The following CALN1 variants were observed in gnomAD, a reference collection of about 807,000 sequenced individuals.
CALN1 encodes calcium-binding protein 8.
Under a neutral mutation model 30.6 loss-of-function variants are expected in CALN1, and 17 were observed. The ratio of observed to expected loss-of-function variants is 0.56; its 90% CI spans 0.38 to 0.83. CALN1 has a LOEUF of 0.83. Among genes scored for constraint, CALN1 ranks in the 40% least tolerant of loss-of-function variants. CALN1 has a pLI of 0.00. For missense variants in CALN1, 291 were observed against 354.9 expected, an observed-to-expected ratio of 0.82 and a Z score of 1.45; for synonymous variants, 156 against 131.4, an observed-to-expected ratio of 1.19 and a Z score of -1.28.
chr7:72,323,282 C>A (rs11982081), intron 2 of CALN1, among the ~76,000 whole-genome samples: 54,146 of 151,746 alleles, frequency 0.36, 10,552 homozygotes, highest in Middle Eastern at 0.52. Flanking sequence ...CGCTACCAGG[C>A]ATCTCATGAA....
chr7:72,307,465 G>C (rs535960735), intron 2 of CALN1, among the ~76,000 whole-genome samples: 2 of 152,130 alleles, frequency 1.3e-5, no homozygotes, highest in Non-Finnish European at 2.9e-5. Context: ...TCATTCACTC[G>C]GTCGCTCGTG....
At chr7:72,482,892 T>A in the CALN1 span, among the ~76,000 whole-genome samples, 1 of 152,176 alleles carries the variant, frequency 6.6e-6, no homozygotes, top group African/African-American at 2.4e-5. Context: ...TTATTGCAGA[T>A]ATGCTTTTTG....
intron 5 of CALN1, among the ~76,000 whole-genome samples, chr7:71,965,438 A>C (rs2129525678): frequency 6.6e-6 from 1 of 152,364 alleles, no homozygotes; most frequent in South Asian, 2.1e-4. Context: ...ACCTTCTGTA[A>C]GGAAAACTAA....
chr7:72,381,044 TAA>T (rs1804868822), intron 2 of CALN1, among the ~76,000 whole-genome samples: 1 of 151,970 alleles, frequency 6.6e-6, no homozygotes, highest in Non-Finnish European at 1.5e-5. Context: ...ACAGAGGCAA[TAA>T]AGACTAGATG....
intron 2 of CALN1, among the ~76,000 whole-genome samples, chr7:72,379,715 T>C (rs772764533): frequency 1.5e-4 from 23 of 152,248 alleles, no homozygotes; most frequent in African/African-American, 4.6e-4. Flanking sequence ...TCCTTATTTA[T>C]TGCATGTTTC....
intron 3 of CALN1, among the ~76,000 whole-genome samples, chr7:72,246,715 TCA>T (rs1223203483): frequency 6.6e-6 from 1 of 151,366 alleles, no homozygotes; most frequent in Non-Finnish European, 1.5e-5. Flanking sequence ...TACCCCATCC[TCA>T]CAGTTAGGCC....
chr7:72,094,404 A>G (rs1166871593), intron 4 of CALN1, among the ~76,000 whole-genome samples: 2 of 151,948 alleles, frequency 1.3e-5, no homozygotes, highest in Non-Finnish European at 2.9e-5. Context: ...ACAGGCGCAC[A>G]CCACAACACC....
chr7:72,148,530 T>C (rs1786961066), intron 3 of CALN1, among the ~76,000 whole-genome samples: 1 of 152,116 alleles, frequency 6.6e-6, no homozygotes, highest in Non-Finnish European at 1.5e-5. Context: ...GCCCAGGAGT[T>C]TGGGTCTACA....
intron 3 of CALN1, among the ~76,000 whole-genome samples, chr7:72,149,467 CA>C (rs950144027): frequency 1.3e-5 from 2 of 151,750 alleles, no homozygotes; most frequent in Non-Finnish European, 2.9e-5. Flanking sequence ...ACTGTGTCTC[CA>C]AAATAAATAA....
intron 3 of CALN1, among the ~76,000 whole-genome samples, chr7:72,176,586 G>A (rs896616337): frequency 5.3e-5 from 8 of 152,000 alleles, no homozygotes; most frequent in African/African-American, 1.5e-4. Context: ...TTCCCTCCAT[G>A]ACTGGAAGCT....
intron 3 of CALN1, among the ~76,000 whole-genome samples, chr7:72,269,702 G>C (rs937958127): frequency 6.6e-6 from 1 of 151,996 alleles, no homozygotes; most frequent in Non-Finnish European, 1.5e-5. Context: ...TTACCTACTA[G>C]AACAAAAATC....
chr7:71,841,643 G>C (rs906325021), intron 5 of CALN1, among the ~76,000 whole-genome samples: 3 of 152,162 alleles, frequency 2.0e-5, no homozygotes, highest in African/African-American at 4.8e-5. Flanking sequence ...AAATGTGGTA[G>C]ATATACACTG....
At chr7:72,412,726 C>G (rs1459351865), upstream of CALN1, among the ~76,000 whole-genome samples, 1 of 152,192 alleles carries the variant, frequency 6.6e-6, no homozygotes, top group Non-Finnish European at 1.5e-5. Flanking sequence ...AAAAATGCCC[C>G]ACATTCCAAA....
At chr7:72,040,922 G>C (rs551525769) in intron 4 of CALN1, among the ~76,000 whole-genome samples, 10 of 152,314 alleles carry the variant, frequency 6.6e-5, no homozygotes, top group Admixed American at 6.5e-4. Flanking sequence ...AAGCCACCAG[G>C]TCTGTGGTAT....
At chr7:72,494,820 T>C in the CALN1 span, among the ~76,000 whole-genome samples, 3 of 152,236 alleles carry the variant, frequency 2.0e-5, no homozygotes, top group South Asian at 2.1e-4. Flanking sequence ...TGAGCTATGA[T>C]TGTGCCACTG....
At chr7:71,871,630 C>T (rs1791933330) in intron 5 of CALN1, among the ~76,000 whole-genome samples, 1 of 152,120 alleles carries the variant, frequency 6.6e-6, no homozygotes, top group Non-Finnish European at 1.5e-5. Flanking sequence ...CTCCTGCCTG[C>T]CCCCACTCCC....
At chr7:71,909,366 C>G (rs1436789861) in intron 5 of CALN1, among the ~76,000 whole-genome samples, 1 of 152,016 alleles carries the variant, frequency 6.6e-6, no homozygotes, top group African/African-American at 2.4e-5. Flanking sequence ...GCGATAAAAT[C>G]AGGTATGCAA....
chr7:72,155,777 T>A (rs904211644), intron 3 of CALN1, among the ~76,000 whole-genome samples: 1 of 152,112 alleles, frequency 6.6e-6, no homozygotes, highest in Admixed American at 6.6e-5. Context: ...ATGTCAGAGG[T>A]CCAAAGTGAG....
At chr7:72,405,194 G>A (rs1426686582) in intron 1 of CALN1, among the ~76,000 whole-genome samples, 3 of 152,184 alleles carry the variant, frequency 2.0e-5, no homozygotes, top group Non-Finnish European at 2.9e-5. Flanking sequence ...ACACCTTAAA[G>A]AGAGTAAGTG....
Sources: gnomAD v4.1 joint callset for allele counts (sites outside exome capture counted in the v4.1 genomes callset) on GRCh38, gnomAD v4.1.1 for gene constraint, MANE v1.5 for transcripts, NCBI Gene and HGNC (gene_info 2026-07-23, HGNC 2026-07-21) for gene names.